SLCO3A1: variants seen among roughly 807,000 people sequenced by gnomAD.
The protein encoded by SLCO3A1 is solute carrier organic anion transporter family member 3A1.
SLCO3A1 carries 27 observed loss-of-function variants against 63.1 expected under a neutral mutation model. That is an observed-to-expected ratio of 0.43 (90% CI 0.32 to 0.59). The LOEUF is 0.59. SLCO3A1 is among the 20% of genes least tolerant of loss of function. The pLI is 0.09. For synonymous variants in SLCO3A1, 473 were observed against 409.9 expected, an observed-to-expected ratio of 1.15 and a Z score of -1.86; for missense variants, 773 against 945.8, an observed-to-expected ratio of 0.82 and a Z score of 2.40.
rs1273391745 is a variant in SLCO3A1, at chr15:91,954,207, G to A, written c.646+37749G>A. Among the ~76,000 whole-genome samples, 2 of 152,172 alleles carry A rather than the reference G, an allele frequency of 1.3e-5. No homozygotes were observed. The highest frequency in any genetic ancestry group is 4.8e-5 in the African/African-American group (2 of 41,436). ...GGGTGTTAGAGACAGACCCCTAGGGGTTTCTGAACCACGCACTGAGAATTC... is the reference window on the plus strand; with the variant it reads ...GGGTGTTAGAGACAGACCCCTAGGGATTTCTGAACCACGCACTGAGAATTC... On this transcript the variant is annotated intron_variant, in intron 2 of 9. Coordinates refer to ENST00000318445, the MANE Select transcript of SLCO3A1 (RefSeq NM_013272.4). The surrounding 1 kb of genome is among the most constrained non-coding windows in gnomAD (Gnocchi z 4.7).
Position 91,941,702 on chromosome 15 carries a change from T to G in SLCO3A1, c.646+25244T>G, listed in dbSNP as rs1899628631. 3 of 370,098 alleles carry G rather than the reference T, an allele frequency of 8.1e-6. No homozygotes were observed. Among genetic ancestry groups the G allele is most frequent in the Non-Finnish European group, 1.6e-5 (3 of 190,176 alleles). 22.9% of individuals were successfully genotyped at this position (370,098 alleles called of 1,614,324 possible). ...TCTTTAAAAAAATTATTTTTCCTCC[T>G]TTTTAATTTTTATGTTTAAAATATC... On this transcript the variant is annotated intron_variant, in intron 2 of 9. Coordinates refer to ENST00000318445, the MANE Select transcript of SLCO3A1 (RefSeq NM_013272.4). This position sits in a 1 kb window ranked among gnomAD's most constrained non-coding sequence, Gnocchi z 4.4.
At chr15:91,858,432 A>G (rs900942837) in intron 1 of SLCO3A1, among the ~76,000 whole-genome samples, 2 of 152,122 alleles carry the variant, frequency 1.3e-5, no homozygotes, top group Admixed American at 1.3e-4. Flanking sequence ...TTATTAAGGG[A>G]AAAAGGTGTT....
At chr15:92,072,555 C>T (rs4247079) in intron 2 of SLCO3A1, among the ~76,000 whole-genome samples, 113,731 of 152,100 alleles carry the variant, frequency 0.75, 42,718 homozygotes, top group Middle Eastern at 0.83. Flanking sequence ...TGTCCACAAA[C>T]TTGGTGACTT....
rs1897656925 is a variant in SLCO3A1 at position 91,883,788 on chromosome 15, C to A, written c.180+29700C>A. On this transcript the variant is annotated intron_variant, in intron 1 of 9. Transcript: ENST00000318445. This position sits in a 1 kb window ranked among gnomAD's most constrained non-coding sequence, Gnocchi z 4.8. ...CTACTTACCGATAGTAGTGTAGCATCCTGATAGTACATCACAGTTGCTACA... is the reference window on the plus strand; with the variant it reads ...CTACTTACCGATAGTAGTGTAGCATACTGATAGTACATCACAGTTGCTACA... 6.6e-6 allele frequency among the ~76,000 whole-genome samples: 1 copy of A among 152,162 alleles called. No individual in the cohort carries two copies.
rs577551316 is a variant in SLCO3A1 at position 92,116,403 on chromosome 15, G to A, written c.1010-4062G>A. The stretch of plus-strand genomic sequence containing the variant: ...GCTCTTTCCACCTTTGTGTCATCTT[G>A]CTGGTGACAGTACCAAGCTCCTAAT... On this transcript the variant is annotated intron_variant, in intron 4 of 9. Transcript: ENST00000318445. Among the ~76,000 whole-genome samples, 6 of 152,288 alleles carry A rather than the reference G, an allele frequency of 3.9e-5. No individual in the cohort carries two copies. In the South Asian group the frequency reaches 8.3e-4, roughly 21 times the overall value.
At chr15:92,054,877 G>A (rs567313126) in intron 2 of SLCO3A1, among the ~76,000 whole-genome samples, 1 of 152,166 alleles carries the variant, frequency 6.6e-6, no homozygotes, top group African/African-American at 2.4e-5. Flanking sequence ...TTGATTCCAT[G>A]TTCTTGGTAT....
chr15:92,166,380 A>G (rs1450743932), downstream of SLCO3A1, among the ~76,000 whole-genome samples: 1 of 152,210 alleles, frequency 6.6e-6, no homozygotes, highest in Non-Finnish European at 1.5e-5. Flanking sequence ...CAGGGTTGCT[A>G]ACGTCTTCCT....
intron 2 of SLCO3A1, among the ~76,000 whole-genome samples, chr15:91,989,881 A>G (rs762675223): frequency 3.9e-5 from 6 of 152,238 alleles, no homozygotes; most frequent in Non-Finnish European, 8.8e-5. Flanking sequence ...TAACATAATC[A>G]CTTGGGGAAA....
intron 4 of SLCO3A1, among the ~76,000 whole-genome samples, chr15:92,114,773 AG>A (rs1456229099): frequency 6.6e-6 from 1 of 152,158 alleles, no homozygotes; most frequent in Non-Finnish European, 1.5e-5. Flanking sequence ...CAACTTTTAT[AG>A]ATTCAAGTCC....
At chr15:91,953,599 C>A (rs1348045110) in intron 2 of SLCO3A1, among the ~76,000 whole-genome samples, 2 of 152,184 alleles carry the variant, frequency 1.3e-5, no homozygotes, top group African/African-American at 4.8e-5. Context: ...TGGAAGGGAA[C>A]TGCGCGAAGC....
intron 1 of SLCO3A1, among the ~76,000 whole-genome samples, chr15:91,871,893 A>G (rs2151334729): frequency 6.7e-6 from 1 of 149,222 alleles, no homozygotes; most frequent in African/African-American, 2.5e-5. Context: ...GGAAATGTCT[A>G]GCAACATTTG....
chr15:92,023,722 G>T (rs1315472345), intron 2 of SLCO3A1, among the ~76,000 whole-genome samples: 3 of 152,158 alleles, frequency 2.0e-5, no homozygotes, highest in African/African-American at 4.8e-5. Context: ...AGCCGCCTCG[G>T]CCTCCCAAAG....
At chr15:92,014,644 C>T (rs2046405982) in intron 2 of SLCO3A1, among the ~76,000 whole-genome samples, 1 of 152,098 alleles carries the variant, frequency 6.6e-6, no homozygotes, top group African/African-American at 2.4e-5. Context: ...AAAACACTTG[C>T]CTTTAAAAAT....
At chr15:91,917,484 G>A (rs1452275851) in intron 2 of SLCO3A1, among the ~76,000 whole-genome samples, 5 of 152,214 alleles carry the variant, frequency 3.3e-5, no homozygotes, top group Admixed American at 3.3e-4. Context: ...TTTTCTCTGT[G>A]TCTTTCTGGC....
chr15:92,067,749 C>T (rs996665421), intron 2 of SLCO3A1, among the ~76,000 whole-genome samples: 1 of 152,168 alleles, frequency 6.6e-6, no homozygotes, highest in Non-Finnish European at 1.5e-5. Flanking sequence ...AGGAATCACA[C>T]CTATGTTAGT....
intron 4 of SLCO3A1, among the ~76,000 whole-genome samples, chr15:92,114,491 G>C (rs1487686196): frequency 2.6e-5 from 4 of 152,086 alleles, no homozygotes; most frequent in Non-Finnish European, 4.4e-5. Context: ...GCCTGCACGG[G>C]GCACATTAGC....
At chr15:92,147,997 G>A (rs919772873) in intron 8 of SLCO3A1, among the ~76,000 whole-genome samples, 3 of 152,132 alleles carry the variant, frequency 2.0e-5, no homozygotes, top group Non-Finnish European at 4.4e-5. Context: ...CTGGAGGATC[G>A]CTTGAGCCCA....
chr15:91,992,132 T>G (rs1205874934), intron 2 of SLCO3A1, among the ~76,000 whole-genome samples: 3 of 152,206 alleles, frequency 2.0e-5, no homozygotes, highest in East Asian at 1.9e-4. Flanking sequence ...TTAGCTTCCA[T>G]TTTGGATTTA....
rs570643107 is a variant in SLCO3A1, at chr15:91,959,908, C to T, written c.646+43450C>T. 7.2e-5 allele frequency among the ~76,000 whole-genome samples: 11 copies of T among 152,248 alleles called. No individual in the cohort carries two copies. The South Asian group carries it at 1.4e-3, about 20-fold the overall frequency. On this transcript the variant is annotated intron_variant, in intron 2 of 9. Transcript: ENST00000318445. The stretch of plus-strand genomic sequence containing the variant: ...GCCCTCCCTAGCAGGTGCTGCCAAA[C>T]ACTAATTTACTTTCTGTGTCTATTT...
Sources: allele counts gnomAD v4.1 joint callset (sites outside exome capture counted in the v4.1 genomes callset), GRCh38; gene constraint gnomAD v4.1.1; non-coding constraint Gnocchi (gnomAD v3.1); transcripts MANE v1.5; gene names NCBI Gene and HGNC (gene_info 2026-07-23, HGNC 2026-07-21).